Variants in CEP170 observed in about 807,000 individuals in gnomAD.
CEP170 encodes the protein centrosomal protein of 170 kDa.
CEP170 carries 21 observed loss-of-function variants against 151.9 expected under a neutral mutation model. The observed-to-expected ratio is 0.14, with a 90% CI of 0.10 to 0.20. CEP170 has a LOEUF of 0.20. CEP170 is among the 10% of genes least tolerant of loss of function. The probability of loss-of-function intolerance (pLI) is 1.00; values close to 1 mark genes in which losing one functional copy is unlikely to be tolerated. For missense variants in CEP170, 964 were observed against 1,892.9 expected, an observed-to-expected ratio of 0.51 and a Z score of 9.11; for synonymous variants, 356 against 648.8, an observed-to-expected ratio of 0.55 and a Z score of 6.86.
At chr1:243,221,660 G>A (rs1174765428) in intron 3 of CEP170, 64 bp downstream of exon 3, 1 of 1,442,666 alleles carries the variant, frequency 6.9e-7, no homozygotes, top group Admixed American at 2.4e-5. Context: ...AATGTAATCT[G>A]ATTTTTATTC....
At chr1:243,242,588 A>ATCCCCTTGTCCCCAGGGTATGGTACCC (rs1412690162) in intron 1 of CEP170, among the ~76,000 whole-genome samples, 6 of 152,178 alleles carry the variant, frequency 3.9e-5, no homozygotes, top group African/African-American at 1.4e-4. Flanking sequence ...AAGCAGTCCC[A>ATCCCCTTGTCCCCAGGGTATGGTACCC]TCCCCTTGTC....
In CEP170 at chr1:243,204,624, T is replaced by C. The variant is rs573669891; in HGVS notation, c.275-3789A>G. Among the ~76,000 whole-genome samples, 4 of 152,288 alleles carry C rather than the reference T, an allele frequency of 2.6e-5. No homozygotes were observed. In the East Asian group the frequency reaches 5.8e-4, roughly 22 times the overall value. On this transcript the variant is annotated intron_variant, in intron 4 of 19. Transcript: ENST00000366542. ...TCTGCTTTTCCTCCTAGCACATTAG[T>C]GGTTTCTCCTTAGTCTCTTTTACTG...
At chr1:243,180,671 G>A (rs1443457693) in intron 10 of CEP170, among the ~76,000 whole-genome samples, 1 of 152,088 alleles carries the variant, frequency 6.6e-6, no homozygotes, top group Non-Finnish European at 1.5e-5. Context: ...GCTCTTACTT[G>A]GATCTCATCT....
At chr1:243,191,795 T>C (rs1325860872) in intron 7 of CEP170, among the ~76,000 whole-genome samples, 1 of 152,172 alleles carries the variant, frequency 6.6e-6, no homozygotes, top group East Asian at 1.9e-4. Context: ...AACCTGGATC[T>C]AGAATTCATC....
At chr1:243,169,474 T>C (rs1330827174) in intron 12 of CEP170, 154 bp downstream of exon 12, 32 of 1,454,488 alleles carry the variant, frequency 2.2e-5, no homozygotes, top group Non-Finnish European at 2.9e-5. Context: ...TTTATTTAGG[T>C]TTAACTTACT....
chr1:243,161,607 G>T (rs1240451435), intron 13 of CEP170, among the ~76,000 whole-genome samples: 1 of 151,988 alleles, frequency 6.6e-6, no homozygotes, highest in African/African-American at 2.4e-5. Context: ...AAAATACTGG[G>T]ATTACAGGCA....
At chr1:243,235,275 C>A (rs949240233) in intron 1 of CEP170, among the ~76,000 whole-genome samples, 1 of 151,982 alleles carries the variant, frequency 6.6e-6, no homozygotes, top group Non-Finnish European at 1.5e-5. Context: ...GGGTGGTCTA[C>A]GGAAATATCT....
At position 243,186,282 on chromosome 1, in the gene CEP170, C is replaced by G. The variant is rs1274725185; in HGVS notation, c.1249G>C (p.Glu417Gln). 6.2e-7 allele frequency: 1 copy of G among 1,613,648 alleles called. No homozygotes were observed. The highest frequency in any genetic ancestry group is 8.5e-7 in the Non-Finnish European group (1 of 1,179,720). ...HKKLQKVQAT[E>Q]KHQDQAVTSS... is the part of the protein sequence containing the mutation. ...ACAACAGCTTGGTCTTGATGCTTTT[C>G]AGTAGCCTGGACCTTCTGTAGCTTT... Residue 417 changes from glutamate to glutamine, a missense_variant, in exon 9 of 20, where the codon GAA becomes CAA. Coordinates refer to ENST00000366542, the MANE Select transcript of CEP170 (RefSeq NM_014812.3).
intron 13 of CEP170, among the ~76,000 whole-genome samples, chr1:243,157,979 T>A (rs573956974): frequency 6.6e-6 from 1 of 152,324 alleles, no homozygotes; most frequent in Admixed American, 6.5e-5. Flanking sequence ...AGGTAATTAG[T>A]CATAGACCTT....
intron 14 of CEP170, among the ~76,000 whole-genome samples, chr1:243,146,682 C>A (rs1186128851): frequency 6.9e-6 from 1 of 144,018 alleles, no homozygotes; most frequent in Non-Finnish European, 1.5e-5. Flanking sequence ...AAAAAAAAAA[C>A]CCGAGATATT....
In CEP170 at chr1:243,236,568, T is replaced by C. The variant is rs557424514; in HGVS notation, c.-41-11247A>G. Among the ~76,000 whole-genome samples the C allele has an allele frequency of 2.4e-3, 361 of 152,142 alleles. 1 individual carries two copies. The highest frequency in any genetic ancestry group is 8.5e-3 in the African/African-American group (352 of 41,484). On this transcript the variant is annotated intron_variant, in intron 1 of 19. Transcript: ENST00000366542. ...AGTTATTAAAACCAAAAACCAAAAA[T>C]CAGCTGGCCAAAAATCAGCGGATCA...
At chr1:243,251,798 G>A (rs2065963585) in intron 1 of CEP170, among the ~76,000 whole-genome samples, 1 of 151,960 alleles carries the variant, frequency 6.6e-6, no homozygotes, top group Admixed American at 6.6e-5. Flanking sequence ...GATTTTATGA[G>A]GTTTTCTTTA....
rs533826407 is a variant in CEP170, at chr1:243,165,066, T to C, written c.2894A>G (p.Asp965Gly). ...GGAAGGAGAACCTGTGGAACACCTA[T>C]CTTTATAGAGGCTAGTGAAACTCTT... ...KRKSFTSLYK[D>G]RCSTGSPSKD... is the part of the protein sequence containing the mutation. The change falls in exon 13 of 20, where the codon GAT becomes GGT. Residue 965 changes from aspartate (D) to glycine (G), a missense_variant. Asp to Gly is a moderately conservative substitution (Grantham distance 94, BLOSUM62 -1). Transcript: ENST00000366542. The C allele has an allele frequency of 1.2e-5, 20 of 1,611,898 alleles. No homozygotes were observed. In the East Asian group the frequency reaches 4.2e-4, roughly 34 times the overall value.
intron 4 of CEP170, among the ~76,000 whole-genome samples, chr1:243,208,921 A>T (rs1219154822): frequency 1.6e-4 from 24 of 151,842 alleles, no homozygotes; most frequent in Non-Finnish European, 1.5e-5. Context: ...ATAAATAATT[A>T]GGAAATGAAT....
chr1:243,192,833 A>G (rs1360019144), intron 7 of CEP170, among the ~76,000 whole-genome samples: 2 of 152,186 alleles, frequency 1.3e-5, no homozygotes, highest in African/African-American at 4.8e-5. Context: ...TTCATAATCA[A>G]ATGTGTGGGA....
At chr1:243,150,519 A>T (rs1450303515) in intron 14 of CEP170, among the ~76,000 whole-genome samples, 1 of 152,228 alleles carries the variant, frequency 6.6e-6, no homozygotes, top group African/African-American at 2.4e-5. Context: ...TTTTACTAGG[A>T]GGACAAAAAA....
intron 14 of CEP170, among the ~76,000 whole-genome samples, chr1:243,146,123 G>C (rs1237539971): frequency 1.3e-5 from 2 of 152,226 alleles, no homozygotes; most frequent in African/African-American, 4.8e-5. Context: ...GAGCTAAGCT[G>C]TGAGGATGTA....
chr1:243,244,374 CA>C, intron 1 of CEP170, among the ~76,000 whole-genome samples: 1 of 152,182 alleles, frequency 6.6e-6, no homozygotes, highest in East Asian at 1.9e-4. Context: ...CACACACACA[CA>C]CACACCCTCA....
intron 1 of CEP170, among the ~76,000 whole-genome samples, chr1:243,246,800 A>G (rs919952565): frequency 6.6e-6 from 1 of 152,170 alleles, no homozygotes; most frequent in South Asian, 2.1e-4. Context: ...TATAAAAAAT[A>G]AAATGGCCTT....
Sources: gnomAD v4.1 joint callset for allele counts (sites outside exome capture counted in the v4.1 genomes callset) on GRCh38, gnomAD v4.1.1 for gene constraint, MANE v1.5 for transcripts, NCBI Gene and HGNC (gene_info 2026-07-23, HGNC 2026-07-21) for gene names.